Variants in AP2A1 observed in about 807,000 individuals in gnomAD.
AP2A1 encodes the protein AP-2 complex subunit alpha-1.
A neutral mutation model predicts 107.3 loss-of-function variants in AP2A1; 21 were observed. The observed-to-expected ratio is 0.20, with a 90% CI of 0.14 to 0.28. The LOEUF is 0.28. AP2A1 is among the 10% of genes least tolerant of loss of function. The probability of loss-of-function intolerance (pLI) is 1.00; values close to 1 mark genes in which losing one functional copy is unlikely to be tolerated. For synonymous variants in AP2A1, 602 were observed against 564.8 expected, an observed-to-expected ratio of 1.07 and a Z score of -0.93; for missense variants, 873 against 1,307.7, an observed-to-expected ratio of 0.67 and a Z score of 5.13.
chr19:49,806,435 G>A, intron 22 of AP2A1, 182 bp downstream of exon 22: 1 of 1,434,556 alleles, frequency 7.0e-7, no homozygotes, highest in Non-Finnish European at 9.1e-7. Context: ...CCAACCTCTG[G>A]TGTTCCTCTC....
At chr19:49,769,909 C>T (rs193057178) in intron 1 of AP2A1, among the ~76,000 whole-genome samples, 10 of 152,086 alleles carry the variant, frequency 6.6e-5, no homozygotes, top group African/African-American at 2.2e-4. Flanking sequence ...GTCTCTGTTG[C>T]CCAGGTTGGA....
intron 4 of AP2A1, among the ~76,000 whole-genome samples, chr19:49,791,374 C>T (rs776983933): frequency 3.9e-5 from 6 of 152,130 alleles, no homozygotes; most frequent in Admixed American, 6.5e-5. Flanking sequence ...GGATTACAAG[C>T]CTGCGCCACC....
intron 15 of AP2A1, chr19:49,802,344 C>T (rs748580648): frequency 4.7e-6 from 4 of 844,198 alleles, no homozygotes; most frequent in Non-Finnish European, 7.8e-6. Context: ...CTGGACTCCG[C>T]CGACCCTGGC....
rs768301257 is a variant in AP2A1 at position 49,803,111 on chromosome 19, G to A, written c.2176G>A (p.Val726Met). 8.1e-6 allele frequency: 13 copies of A among 1,613,908 alleles called. No individual in the cohort carries two copies. Among genetic ancestry groups the A allele is most frequent in the Admixed American group, 5.0e-5 (3 of 60,008 alleles). Residue 726 changes from valine to methionine, a missense_variant, in exon 17 of 23, where the codon GTG becomes ATG. Val to Met is a conservative substitution (Grantham distance 21). Transcript: ENST00000354293. Reference sequence around the variant, plus strand: ...TTGCGCCCCCTGCCCCCTCAGGTTTGTGTGTAAGAACAACGGGGTCCTGTT... The same window carrying A: ...TTGCGCCCCCTGCCCCCTCAGGTTTATGTGTAAGAACAACGGGGTCCTGTT... ...PEADELLNKF[V>M]CKNNGVLFEN...
chr19:49,767,348 A>G (rs2084513215), intron 1 of AP2A1, 148 bp downstream of exon 1: 1 of 998,014 alleles, frequency 1.0e-6, no homozygotes, highest in Non-Finnish European at 1.5e-6. Flanking sequence ...AGAACTTTAG[A>G]GTGGGGGGCA....
Position 49,799,382 on chromosome 19 carries a change from C to A in AP2A1, c.1021C>A (p.Arg341=). The change falls in exon 9 of 23, where the codon CGG becomes AGG. Residue 341 remains arginine (R), a synonymous_variant. Transcript: ENST00000354293. ...CCAGCTGGGCCAGTTCCTGCAGCAC[C>A]GGGAGACCAACCTGCGCTACCTGGC... is the stretch of plus-strand genomic sequence containing the variant. ...CNQLGQFLQH[R]ETNLRYLALE... 11 of 1,612,374 alleles carry A rather than the reference C, an allele frequency of 6.8e-6. No individual in the cohort carries two copies. Among genetic ancestry groups the A allele is most frequent in the Non-Finnish European group, 9.3e-6 (11 of 1,179,570 alleles).
chr19:49,802,531 C>T lies in AP2A1; in HGVS notation c.2114+390C>T, dbSNP rs962390454. The T allele has an allele frequency of 1.3e-5, 21 of 1,605,068 alleles. No homozygotes were observed. In the Admixed American group the frequency reaches 3.0e-4, roughly 23 times the overall value. ...TTGTCTGCTCTGGGATTGGATGGCT[C>T]AGCGAGCTGGAGCCGCCTGCCCCCG... On this transcript the variant is annotated intron_variant, in intron 15 of 22. Coordinates refer to ENST00000354293, the MANE Select transcript of AP2A1 (RefSeq NM_130787.3).
intron 5 of AP2A1, among the ~76,000 whole-genome samples, chr19:49,792,484 C>T (rs970627210): frequency 4.6e-5 from 7 of 152,054 alleles, no homozygotes; most frequent in African/African-American, 1.7e-4. Context: ...AACCATGATC[C>T]AGTGTCCCCG....
At chr19:49,782,493 A>G in intron 3 of AP2A1, 38 bp from the exon 4 acceptor site, 1 of 1,592,792 alleles carries the variant, frequency 6.3e-7, no homozygotes, top group Non-Finnish European at 8.6e-7. Flanking sequence ...CCACTCAGTC[A>G]CAAGGCTCCT....
At chr19:49,772,966 G>T (rs891660451) in intron 1 of AP2A1, among the ~76,000 whole-genome samples, 2 of 151,850 alleles carry the variant, frequency 1.3e-5, no homozygotes, top group African/African-American at 4.8e-5. Flanking sequence ...AAGCAGGAGC[G>T]AGGGAAGAGA....
chr19:49,781,500 C>A (rs2084675159), intron 1 of AP2A1, among the ~76,000 whole-genome samples: 1 of 152,058 alleles, frequency 6.6e-6, no homozygotes, highest in African/African-American at 2.4e-5. Flanking sequence ...TCAGGGGCCA[C>A]AGTGGTAGGA....
intron 4 of AP2A1, among the ~76,000 whole-genome samples, chr19:49,783,383 C>T (rs1451156925): frequency 1.3e-5 from 2 of 152,018 alleles, no homozygotes; most frequent in South Asian, 2.1e-4. Context: ...CCCAGCTACT[C>T]GGGAAGCTGA....
rs868341982 is a variant in AP2A1, at chr19:49,795,697, C to T, written c.773C>T (p.Ser258Leu). 6.4e-6 allele frequency: 10 copies of T among 1,567,364 alleles called. No homozygotes were observed. Among genetic ancestry groups the T allele is most frequent in the African/African-American group, 1.4e-5 (1 of 73,644 alleles). The change falls in exon 7 of 23, where the codon TCG (serine) becomes TTG (leucine). Residue 258 changes from serine to leucine, a missense_variant. Around this residue, in one of 4 missense-constraint regions of AP2A1, gnomAD observed 157 missense variants for 212.6 expected, o/e 0.74. Coordinates refer to ENST00000354293, the MANE Select transcript of AP2A1 (RefSeq NM_130787.3). The part of the protein sequence containing the change: ...TYYFVPAPWL[S>L]VKLLRLLQCY... ...TACTTCGTCCCAGCACCCTGGCTCTCGGTGAAGCTCCTGCGGCTGCTGCAG... is the reference window on the plus strand; with the variant it reads ...TACTTCGTCCCAGCACCCTGGCTCTTGGTGAAGCTCCTGCGGCTGCTGCAG...
intron 7 of AP2A1, chr19:49,796,095 G>T (rs573748304): frequency 3.7e-6 from 1 of 267,786 alleles, no homozygotes; most frequent in East Asian, 9.4e-5. Flanking sequence ...GTCAGTGGGT[G>T]ATTCCAGGCC....
In AP2A1 at chr19:49,771,440, C is replaced by CT. The variant is rs35833414; in HGVS notation, c.67+4249dup. On this transcript the variant is annotated intron_variant, in intron 1 of 22. Coordinates refer to ENST00000354293, the MANE Select transcript of AP2A1 (RefSeq NM_130787.3). The stretch of plus-strand genomic sequence containing the variant: ...ATTTTATGGTATGTGAATTGTATCT[C>CT]TTTTTTTTTGTGACAGTCACAAAAA... Among the ~76,000 whole-genome samples, 862 of 113,544 alleles carry CT rather than the reference C, an allele frequency of 7.6e-3. 4 individuals are homozygous for CT. The highest frequency in any genetic ancestry group is 9.7e-3 in the Non-Finnish European group (475 of 49,172). The allele number at this position is 113,544 out of a possible 152,430, so 74.5% of individuals were successfully genotyped here. A position where few individuals can be genotyped will look rare whatever the true frequency, so the allele number is the denominator to read the frequency against.
intron 18 of AP2A1, chr19:49,803,645 T>G: frequency 2.0e-6 from 1 of 488,028 alleles, no homozygotes; most frequent in Admixed American, 3.3e-5. Flanking sequence ...GCACCTTCCG[T>G]GTCCTGCCAT....
intron 7 of AP2A1, chr19:49,796,276 G>A (rs561356083): frequency 6.5e-6 from 1 of 153,746 alleles, no homozygotes; most frequent in Admixed American, 6.5e-5. Flanking sequence ...GGAACAGCCA[G>A]TGTGATATGC....
Position 49,782,103 on chromosome 19 carries a change from G to T in AP2A1, c.279+14G>T, listed in dbSNP as rs920971291. The T allele has an allele frequency of 1.9e-6, 3 of 1,548,508 alleles. No homozygotes were observed. Among genetic ancestry groups the T allele is most frequent in the South Asian group, 1.2e-5 (1 of 83,896 alleles). On this transcript the variant is annotated intron_variant, in intron 3 of 22. Transcript: ENST00000354293. ...GAGAAGCAAATAGTGAGTCTGGAGAGGGGGGTGCCAGGGCCTGGACTCCTG... is the reference window on the plus strand; with the variant it reads ...GAGAAGCAAATAGTGAGTCTGGAGATGGGGGTGCCAGGGCCTGGACTCCTG...
chr19:49,795,811 G>C, intron 7 of AP2A1, 73 bp downstream of exon 7: 2 of 1,154,280 alleles, frequency 1.7e-6, no homozygotes, highest in Non-Finnish European at 2.5e-6. Flanking sequence ...GCTCCACGGC[G>C]CACCAGGTGG....
Sources: allele counts gnomAD v4.1 joint callset (sites outside exome capture counted in the v4.1 genomes callset), GRCh38; gene constraint gnomAD v4.1.1; regional missense constraint gnomAD v4.1.1; transcripts MANE v1.5; gene names NCBI Gene and HGNC (gene_info 2026-07-23, HGNC 2026-07-21).